Variants in CACNA1D observed in about 807,000 individuals in gnomAD.
CACNA1D encodes the protein voltage-dependent L-type calcium channel subunit alpha-1D.
CACNA1D carries 55 observed loss-of-function variants against 257.1 expected under a neutral mutation model. The ratio of observed to expected loss-of-function variants is 0.21; its 90% CI spans 0.17 to 0.27. The LOEUF (loss-of-function observed/expected upper bound fraction) is 0.27. Ranked by LOEUF, CACNA1D falls within the 10% of genes least tolerant of loss-of-function variation. CACNA1D has a pLI of 1.00. For synonymous variants in CACNA1D, 980 were observed against 1,014.9 expected (o/e 0.97, Z 0.65); for missense variants, 1,876 against 2,784.0 (o/e 0.67, Z 7.34).
intron 3 of CACNA1D, among the ~76,000 whole-genome samples, chr3:53,574,133 AG>A (rs759208742): frequency 1.1e-4 from 16 of 152,214 alleles, no homozygotes; most frequent in Non-Finnish European, 1.3e-4. Flanking sequence ...AAGGAAGCTC[AG>A]TGTTTCCACA....
intron 25 of CACNA1D, 127 bp downstream of exon 25, chr3:53,746,002 GTAGA>G: frequency 4.1e-6 from 3 of 737,626 alleles, no homozygotes; most frequent in South Asian, 3.0e-5. Flanking sequence ...CAGCTTGTGG[GTAGA>G]TAGATGGTGT....
At chr3:53,572,502 C>T (rs1241068086) in intron 3 of CACNA1D, among the ~76,000 whole-genome samples, 16 of 152,120 alleles carry the variant, frequency 1.1e-4, no homozygotes, top group East Asian at 9.7e-4. Flanking sequence ...TAGGCTCAAG[C>T]GATTCTCCCA....
chr3:53,518,616 A>G (rs2107317213), intron 3 of CACNA1D, among the ~76,000 whole-genome samples: 1 of 152,330 alleles, frequency 6.6e-6, no homozygotes, highest in Non-Finnish European at 1.5e-5. Context: ...ACTTGTCTTC[A>G]GAGCCAGTTT....
At chr3:53,762,278 C>T in intron 30 of CACNA1D, among the ~76,000 whole-genome samples, 197 bp downstream of exon 30, 1 of 152,356 alleles carries the variant, frequency 6.6e-6, no homozygotes, top group African/African-American at 2.4e-5. Flanking sequence ...CTTTTGTAGA[C>T]ACAAATCACC....
chr3:53,605,652 A>T (rs528549996), intron 3 of CACNA1D, among the ~76,000 whole-genome samples: 1 of 152,334 alleles, frequency 6.6e-6, no homozygotes, highest in African/African-American at 2.4e-5. Context: ...AGACATGGCG[A>T]TCCAAAATTT....
rs79427642 is a variant in CACNA1D at position 53,801,489 on chromosome 3, A to G, written c.5408+64A>G. The G allele has an allele frequency of 3.5e-4, 558 of 1,600,962 alleles. 9 individuals carry two copies. The East Asian group carries it at 0.012, about 34-fold the overall frequency. On this transcript the variant is annotated intron_variant, in intron 42 of 47. Coordinates refer to ENST00000350061, the MANE Select transcript of CACNA1D (RefSeq NM_001128840.3). ...TCTGCCCGTGTTGCGTCTAGTCCCAAGGAGCAAGGCGGGTCTGTGCTCTGT... is the reference window on the plus strand; with the variant it reads ...TCTGCCCGTGTTGCGTCTAGTCCCAGGGAGCAAGGCGGGTCTGTGCTCTGT...
At chr3:53,608,511 C>T (rs953145047) in intron 3 of CACNA1D, among the ~76,000 whole-genome samples, 3 of 152,118 alleles carry the variant, frequency 2.0e-5, no homozygotes, top group East Asian at 1.9e-4. Flanking sequence ...ACCTCTATTA[C>T]GATGTGGAAT....
At chr3:53,718,243 G>T (rs1471312560) in intron 9 of CACNA1D, 58 bp from the exon 10 acceptor site, 15 of 1,482,050 alleles carry the variant, frequency 1.0e-5, no homozygotes, top group Non-Finnish European at 1.4e-5. Flanking sequence ...CACCTGGCCT[G>T]CCTCCCAGGC....
chr3:53,741,918 GA>G (rs1235090604), intron 21 of CACNA1D, among the ~76,000 whole-genome samples: 5 of 152,006 alleles, frequency 3.3e-5, no homozygotes, highest in Non-Finnish European at 7.4e-5. Flanking sequence ...TATTTAAAAG[GA>G]AAAAAATGAT....
intron 29 of CACNA1D, among the ~76,000 whole-genome samples, chr3:53,756,620 G>A (rs1421272004): frequency 6.6e-6 from 1 of 152,236 alleles, no homozygotes; most frequent in Admixed American, 6.5e-5. Context: ...CTAGACCTCT[G>A]TAGGGTTTTC....
intron 30 of CACNA1D, among the ~76,000 whole-genome samples, chr3:53,768,425 T>A (rs567273522): frequency 2.0e-5 from 3 of 152,370 alleles, no homozygotes; most frequent in South Asian, 2.1e-4. Context: ...AACCTTCCTG[T>A]GCACAGCCTT....
intron 22 of CACNA1D, 67 bp downstream of exon 22, chr3:53,743,184 A>G: frequency 3.2e-6 from 3 of 939,886 alleles, no homozygotes; most frequent in Non-Finnish European, 5.3e-6. Flanking sequence ...ATTTTAACAT[A>G]ATTGATAAAG....
chr3:53,663,184 G>T (rs1351792911), intron 5 of CACNA1D, among the ~76,000 whole-genome samples: 1 of 152,112 alleles, frequency 6.6e-6, no homozygotes, highest in African/African-American at 2.4e-5. Context: ...CTCCTGTGCT[G>T]CTTATCACGG....
At chr3:53,733,985 TAC>T (rs2095029587) in intron 19 of CACNA1D, among the ~76,000 whole-genome samples, 2 of 133,022 alleles carry the variant, frequency 1.5e-5, no homozygotes, top group Admixed American at 1.6e-4. Flanking sequence ...TATATATATA[TAC>T]ATATACATAT....
intron 37 of CACNA1D, among the ~76,000 whole-genome samples, chr3:53,778,876 TA>T (rs2095411687): frequency 1.3e-5 from 2 of 152,246 alleles, no homozygotes; most frequent in Admixed American, 1.3e-4. Context: ...ATGGTCTAAC[TA>T]GGCAAGGTCT....
At chr3:53,801,032 T>C in intron 41 of CACNA1D, 26 bp from the exon 42 acceptor site, 1 of 1,612,606 alleles carries the variant, frequency 6.2e-7, no homozygotes. Flanking sequence ...TTAAATTACC[T>C]GGTGTTGTCT....
chr3:53,645,677 A>G (rs6765947), intron 3 of CACNA1D, among the ~76,000 whole-genome samples: 2,961 of 152,288 alleles, frequency 0.019, 100 homozygotes, highest in African/African-American at 0.067. Context: ...ATTTTTTAAA[A>G]TTTAAATTTC....
At chr3:53,585,050 A>T (rs1273387424) in intron 3 of CACNA1D, among the ~76,000 whole-genome samples, 1 of 148,860 alleles carries the variant, frequency 6.7e-6, no homozygotes, top group Non-Finnish European at 1.5e-5. Flanking sequence ...TTTTTTAAGG[A>T]AAAGATGTGT....
chr3:53,790,136 T>A (rs2095476355), intron 40 of CACNA1D, among the ~76,000 whole-genome samples: 1 of 152,248 alleles, frequency 6.6e-6, no homozygotes, highest in African/African-American at 2.4e-5. Flanking sequence ...ATGTTCACTT[T>A]GGGTTGACTC....
Sources: allele counts gnomAD v4.1 joint callset (sites outside exome capture counted in the v4.1 genomes callset), GRCh38; gene constraint gnomAD v4.1.1; transcripts MANE v1.5; gene names NCBI Gene and HGNC (gene_info 2026-07-23, HGNC 2026-07-21).